Variants in EHD4 observed in about 807,000 individuals in gnomAD.
EHD4 encodes EH domain-containing protein 4.
Under a neutral mutation model 51.0 loss-of-function variants are expected in EHD4, and 37 were observed. That is an observed-to-expected ratio of 0.73 (90% CI 0.56 to 0.95). EHD4 has a LOEUF of 0.95. Ranked by LOEUF, EHD4 falls within the 40% of genes least tolerant of loss-of-function variation. The pLI is 0.00. For synonymous variants in EHD4, 297 were observed against 317.3 expected (o/e 0.94, Z 0.68); for missense variants, 632 against 733.1 (o/e 0.86, Z 1.59).
At chr15:41,954,082 T>C in intron 1 of EHD4, 142 bp from the exon 2 acceptor site, 2 of 895,618 alleles carry the variant, frequency 2.2e-6, no homozygotes, top group African/African-American at 1.7e-5. Flanking sequence ...GCAATCCTCC[T>C]CTGCATTTCT....
At chr15:41,910,433 C>T (rs1315817269) in intron 4 of EHD4, among the ~76,000 whole-genome samples, 1 of 152,180 alleles carries the variant, frequency 6.6e-6, no homozygotes, top group Non-Finnish European at 1.5e-5. Flanking sequence ...CCAGAAGCCC[C>T]AGAAACCTTG....
intron 3 of EHD4, among the ~76,000 whole-genome samples, chr15:41,926,925 C>G (rs946902728): frequency 1.3e-5 from 2 of 152,244 alleles, no homozygotes; most frequent in African/African-American, 4.8e-5. Context: ...GGCCTTCCCC[C>G]ACCCAGTGGA....
chr15:41,962,659 C>T (rs970066880), intron 1 of EHD4, among the ~76,000 whole-genome samples: 7 of 152,072 alleles, frequency 4.6e-5, no homozygotes, highest in South Asian at 2.1e-4. Flanking sequence ...CCAGCCGCCC[C>T]GTCCGGGAGG....
chr15:41,953,402 C>A (rs2067865877), intron 2 of EHD4, among the ~76,000 whole-genome samples: 1 of 152,062 alleles, frequency 6.6e-6, no homozygotes, highest in Non-Finnish European at 1.5e-5. Flanking sequence ...AAATTTTTTG[C>A]AGAGACAGGG....
chr15:41,910,740 T>A (rs944541910), intron 4 of EHD4, among the ~76,000 whole-genome samples: 3 of 152,166 alleles, frequency 2.0e-5, no homozygotes, highest in African/African-American at 7.2e-5. Context: ...GGCTAATTTT[T>A]GTATTTTTAG....
intron 2 of EHD4, among the ~76,000 whole-genome samples, chr15:41,950,230 C>G (rs574836663): frequency 1.3e-5 from 2 of 152,224 alleles, no homozygotes; most frequent in Non-Finnish European, 2.9e-5. Flanking sequence ...GGCTGTGACT[C>G]GGGCTTTGCT....
intron 3 of EHD4, among the ~76,000 whole-genome samples, chr15:41,924,849 G>A (rs1488547171): frequency 1.3e-5 from 2 of 152,094 alleles, no homozygotes; most frequent in Non-Finnish European, 2.9e-5. Context: ...CTGAGGTCAG[G>A]AGTTCGAGAC....
At chr15:41,909,474 T>C (rs966723568) in intron 5 of EHD4, among the ~76,000 whole-genome samples, 5 of 152,260 alleles carry the variant, frequency 3.3e-5, no homozygotes, top group Non-Finnish European at 7.3e-5. Flanking sequence ...GACTTTCTCA[T>C]GGGAGCTTCA....
At chr15:41,964,772 A>C (rs74909248) in intron 1 of EHD4, among the ~76,000 whole-genome samples, 1 of 143,422 alleles carries the variant, frequency 7.0e-6, no homozygotes, top group Admixed American at 7.0e-5. Flanking sequence ...AAAAAAAAAA[A>C]ATATATATAT....
intron 2 of EHD4, among the ~76,000 whole-genome samples, chr15:41,952,992 C>A (rs1055255420): frequency 8.3e-5 from 10 of 120,538 alleles, no homozygotes; most frequent in Non-Finnish European, 1.7e-4. Flanking sequence ...TCTATCTTCC[C>A]CCCCGCAAAA....
chr15:41,909,100 G>A (rs894552968), intron 5 of EHD4, among the ~76,000 whole-genome samples: 7 of 152,190 alleles, frequency 4.6e-5, no homozygotes, highest in African/African-American at 1.7e-4. Flanking sequence ...AGGGCAGGAC[G>A]GCTGAATGCA....
At chr15:41,971,516 A>T (rs2067995078) in intron 1 of EHD4, among the ~76,000 whole-genome samples, 2 of 152,258 alleles carry the variant, frequency 1.3e-5, no homozygotes, top group African/African-American at 4.8e-5. Context: ...GGGTATGCAC[A>T]GTGATTGTGT....
chr15:41,963,470 C>T (rs1056759122), intron 1 of EHD4, among the ~76,000 whole-genome samples: 2 of 151,662 alleles, frequency 1.3e-5, no homozygotes, highest in African/African-American at 4.8e-5. Flanking sequence ...CATGGTGGCC[C>T]ATGCCTGTAA....
intron 5 of EHD4, among the ~76,000 whole-genome samples, chr15:41,907,209 C>A (rs908038637): frequency 1.3e-5 from 2 of 152,216 alleles, no homozygotes; most frequent in African/African-American, 4.8e-5. Flanking sequence ...AGGAAGCCAG[C>A]GAGGCACAGA....
At chr15:41,972,234 G>A (rs758813808) in intron 1 of EHD4, 25 bp downstream of exon 1, 3 of 1,516,164 alleles carry the variant, frequency 2.0e-6, no homozygotes, top group Admixed American at 4.0e-5. Flanking sequence ...CGGGGCGGGA[G>A]CCGGGCGAGG....
intron 4 of EHD4, among the ~76,000 whole-genome samples, chr15:41,918,217 TAC>T (rs10682608): frequency 0.043 from 6,303 of 147,226 alleles, 169 homozygotes; most frequent in South Asian, 0.065. Context: ...CAGGGAGCTT[TAC>T]ACACACACAC....
In EHD4 at chr15:41,899,255, G is replaced by C. The variant is rs145703815; in HGVS notation, c.*1390C>G. ...GAGGCAGGGAGATTTGCAAGGAAAAGTCACCTACCTCCCCAAGCTGGTGCC... is the reference window on the plus strand; with the variant it reads ...GAGGCAGGGAGATTTGCAAGGAAAACTCACCTACCTCCCCAAGCTGGTGCC... On this transcript the variant is annotated 3_prime_UTR_variant, in exon 6 of 6. Transcript: ENST00000220325. 115 of 152,262 alleles carry C rather than the reference G, an allele frequency of 7.6e-4. No individual in the cohort carries two copies. Among genetic ancestry groups the C allele is most frequent in the African/African-American group, 2.7e-3 (111 of 41,544 alleles). The allele number at this position is 152,262 out of a possible 1,614,324, so 9.4% of individuals were successfully genotyped here.
chr15:41,964,303 G>C (rs1372831140), intron 1 of EHD4, among the ~76,000 whole-genome samples: 1 of 152,036 alleles, frequency 6.6e-6, no homozygotes, highest in Non-Finnish European at 1.5e-5. Flanking sequence ...ATTAAAATAA[G>C]TCTGTTCTGG....
intron 3 of EHD4, among the ~76,000 whole-genome samples, chr15:41,933,079 C>T (rs755446083): frequency 6.6e-6 from 1 of 152,238 alleles, no homozygotes; most frequent in Non-Finnish European, 1.5e-5. Flanking sequence ...GCTCACAGGG[C>T]CCCATGCTGG....
Sources: allele counts gnomAD v4.1 joint callset (sites outside exome capture counted in the v4.1 genomes callset), GRCh38; gene constraint gnomAD v4.1.1; transcripts MANE v1.5; gene names NCBI Gene and HGNC (gene_info 2026-07-23, HGNC 2026-07-21).